CNTNAP5: variants seen among roughly 807,000 people sequenced by gnomAD.
CNTNAP5 encodes contactin associated protein family member 5.
Under a neutral mutation model 150.2 loss-of-function variants are expected in CNTNAP5, and 72 were observed. That is an observed-to-expected ratio of 0.48 (90% CI 0.40 to 0.58). The LOEUF is 0.58. Among genes scored for constraint, CNTNAP5 ranks in the 20% least tolerant of loss-of-function variants. The probability of loss-of-function intolerance (pLI) is 0.00; values close to 1 mark genes in which losing one functional copy is unlikely to be tolerated. For missense variants in CNTNAP5, 1,636 were observed against 1,626.2 expected (o/e 1.01, Z -0.10); for synonymous variants, 672 against 619.8 (o/e 1.08, Z -1.25).
rs1396047151 is a variant in CNTNAP5 at position 124,644,007 on chromosome 2, A to C, written c.1877-3751A>C. On this transcript the variant is annotated intron_variant, in intron 12 of 23. Transcript: ENST00000682447. ...CTGGCACACAAACCCAGATTTGCTG[A>C]CTCCAGAGCCCATACTTTGTTCACT... 2.0e-5 allele frequency among the ~76,000 whole-genome samples: 3 copies of C among 152,234 alleles called. No individual in the cohort carries two copies. In the East Asian group the frequency reaches 5.8e-4, roughly 29 times the overall value.
chr2:124,381,035 C>T (rs1423683674), intron 3 of CNTNAP5, among the ~76,000 whole-genome samples: 2 of 152,120 alleles, frequency 1.3e-5, no homozygotes, highest in Non-Finnish European at 2.9e-5. Flanking sequence ...CCCTTCAGAA[C>T]AGGACGCCAT....
chr2:124,616,201 C>T (rs1167660317), intron 12 of CNTNAP5, among the ~76,000 whole-genome samples: 2 of 152,192 alleles, frequency 1.3e-5, no homozygotes, highest in Non-Finnish European at 2.9e-5. Context: ...TCTTTCTTCT[C>T]TTCTCTACCT....
intron 6 of CNTNAP5, among the ~76,000 whole-genome samples, chr2:124,456,908 G>T (rs1256895436): frequency 6.6e-6 from 1 of 152,148 alleles, no homozygotes; most frequent in Non-Finnish European, 1.5e-5. Flanking sequence ...ACATAGAAAA[G>T]TCAACTCAAT....
intron 3 of CNTNAP5, among the ~76,000 whole-genome samples, chr2:124,266,449 T>G (rs763641319): frequency 3.3e-5 from 5 of 152,136 alleles, no homozygotes; most frequent in Non-Finnish European, 7.4e-5. Context: ...GAGAGCTAAA[T>G]TTCGCCTTCC....
chr2:124,513,064 A>G (rs986245924), intron 8 of CNTNAP5, among the ~76,000 whole-genome samples: 3 of 152,136 alleles, frequency 2.0e-5, no homozygotes, highest in African/African-American at 7.2e-5. Flanking sequence ...AAGTATGTAT[A>G]TGTATGTATT....
At chr2:124,820,255 G>A (rs1334343406) in intron 19 of CNTNAP5, among the ~76,000 whole-genome samples, 1 of 152,078 alleles carries the variant, frequency 6.6e-6, no homozygotes, top group Non-Finnish European at 1.5e-5. Context: ...AGAATATTAG[G>A]AGATTTTATC....
At chr2:124,607,040 A>G (rs868792199) in intron 11 of CNTNAP5, among the ~76,000 whole-genome samples, 45 of 152,318 alleles carry the variant, frequency 3.0e-4, no homozygotes, top group African/African-American at 1.0e-3. Flanking sequence ...GTGTCTTTGA[A>G]TCCTTACTAC....
Position 124,524,419 on chromosome 2 carries a change from C to G in CNTNAP5, c.1444C>G (p.Gln482Glu). 6.2e-7 allele frequency: 1 copy of G among 1,613,186 alleles called. No homozygotes were observed. The highest frequency in any genetic ancestry group is 2.2e-5 in the East Asian group (1 of 44,758). Residue 482 changes from glutamine to glutamate, a missense_variant, in exon 9 of 24, where the codon CAG (glutamine) becomes GAG (glutamate). Coordinates refer to ENST00000682447, the MANE Select transcript of CNTNAP5 (RefSeq NM_001367498.1). ...APPAPDSTWV[Q>E]IYSGNSYYFG... The stretch of plus-strand genomic sequence containing the variant: ...CCCGGCTCCAGACAGCACTTGGGTG[C>G]AGATTTATTCTGGAAATAGCTACTA...
chr2:124,641,190 C>A (rs1437614920), intron 12 of CNTNAP5, among the ~76,000 whole-genome samples: 1 of 151,164 alleles, frequency 6.6e-6, no homozygotes, highest in East Asian at 1.9e-4. Flanking sequence ...GAGCCAGCAC[C>A]ACGCTCAGTT....
intron 3 of CNTNAP5, among the ~76,000 whole-genome samples, chr2:124,355,431 T>C (rs1470632138): frequency 2.0e-5 from 3 of 152,092 alleles, no homozygotes; most frequent in African/African-American, 7.2e-5. Context: ...GATGGTGTTG[T>C]GGAATGGAGC....
chr2:124,139,813 G>T (rs911762629), intron 1 of CNTNAP5, among the ~76,000 whole-genome samples: 2 of 152,098 alleles, frequency 1.3e-5, no homozygotes, highest in South Asian at 2.1e-4. Flanking sequence ...GAACAGCTCC[G>T]GTCTACAGCT....
chr2:124,347,735 A>C (rs1022515687), intron 3 of CNTNAP5, among the ~76,000 whole-genome samples: 1 of 152,164 alleles, frequency 6.6e-6, no homozygotes, highest in African/African-American at 2.4e-5. Context: ...GTCAACTTAG[A>C]TGATTAAAAA....
At position 124,915,143 on chromosome 2, in the gene CNTNAP5, T is replaced by TAC. The variant is rs539388740; in HGVS notation, c.*869_*870dup. 436 of 164,364 alleles carry TAC rather than the reference T, an allele frequency of 2.7e-3. No individual in the cohort carries two copies. The highest frequency in any genetic ancestry group is 3.9e-3 in the Admixed American group (59 of 15,048). 10.2% of individuals were successfully genotyped at this position (164,364 alleles called of 1,614,324 possible). A position where few individuals can be genotyped will look rare whatever the true frequency, so the allele number is the denominator to read the frequency against. ...ATTATTATACTGAGATATATATATA[T>TAC]ACACACACACACACATATGTGTATA... On this transcript the variant is annotated 3_prime_UTR_variant, in exon 24 of 24. Transcript: ENST00000682447.
intron 1 of CNTNAP5, among the ~76,000 whole-genome samples, chr2:124,120,518 C>T (rs1348252366): frequency 1.3e-5 from 2 of 152,160 alleles, no homozygotes; most frequent in African/African-American, 4.8e-5. Context: ...TTGGAGAAAA[C>T]AAGAGTTATA....
Position 124,847,826 on chromosome 2 carries a change from C to T in CNTNAP5, c.3218-17480C>T, listed in dbSNP as rs371503239. ...TCTGTTCTAATCTTTTCTTACCTTG[C>T]TTAAGATGGAAATTATGGAAAATAA... On this transcript the variant is annotated intron_variant, in intron 19 of 23. Transcript: ENST00000682447. Among the ~76,000 whole-genome samples, 43 of 152,160 alleles carry T rather than the reference C, an allele frequency of 2.8e-4. 1 individual carries two copies. Among genetic ancestry groups the T allele is most frequent in the Middle Eastern group, 3.4e-3 (1 of 294 alleles).
chr2:124,759,932 CTCGG>C (rs1388420304), intron 14 of CNTNAP5, among the ~76,000 whole-genome samples: 1 of 134,570 alleles, frequency 7.4e-6, no homozygotes, highest in African/African-American at 2.7e-5. Flanking sequence ...ACCTAAACTC[CTCGG>C]TCTTTTTTTT....
intron 17 of CNTNAP5, among the ~76,000 whole-genome samples, chr2:124,785,041 G>GAAAAAAAA (rs67254743): frequency 4.0e-5 from 5 of 123,460 alleles, no homozygotes; most frequent in Non-Finnish European, 6.6e-5. Flanking sequence ...TTAAGGCTGA[G>GAAAAAAAA]AAAAAAAAAA....
intron 11 of CNTNAP5, among the ~76,000 whole-genome samples, chr2:124,588,460 C>A (rs1696605991): frequency 1.3e-5 from 2 of 151,818 alleles, no homozygotes. Context: ...ACTCAGGGAA[C>A]CAATACTTTA....
At chr2:124,866,455 G>A (rs1459828954) in intron 20 of CNTNAP5, among the ~76,000 whole-genome samples, 2 of 152,146 alleles carry the variant, frequency 1.3e-5, no homozygotes, top group Non-Finnish European at 2.9e-5. Context: ...AAGGCATGTG[G>A]TGGAAGCAGG....
Sources: gnomAD v4.1 joint callset for allele counts (sites outside exome capture counted in the v4.1 genomes callset) on GRCh38, gnomAD v4.1.1 for gene constraint, MANE v1.5 for transcripts, NCBI Gene and HGNC (gene_info 2026-07-23, HGNC 2026-07-21) for gene names.